PTPRG: variants seen among roughly 807,000 people sequenced by gnomAD.
PTPRG encodes the protein receptor-type tyrosine-protein phosphatase gamma.
Under a neutral mutation model 165.3 loss-of-function variants are expected in PTPRG, and 102 were observed. The ratio of observed to expected loss-of-function variants is 0.62; its 90% confidence interval spans 0.53 to 0.73. The LOEUF is 0.73. Among genes scored for constraint, PTPRG ranks in the 30% least tolerant of loss-of-function variants. PTPRG has a pLI of 0.00. For synonymous variants in PTPRG, 675 were observed against 669.5 expected, an observed-to-expected ratio of 1.01 and a Z score of -0.13; for missense variants, 1,866 against 1,861.4, an observed-to-expected ratio of 1.00 and a Z score of -0.05.
At chr3:61,582,561 A>G (rs1224264315) in intron 1 of PTPRG, among the ~76,000 whole-genome samples, 1 of 152,134 alleles carries the variant, frequency 6.6e-6, no homozygotes, top group East Asian at 1.9e-4. Context: ...GTTTGATAAG[A>G]GTGGAATTCA....
chr3:61,746,052 T>C (rs1247663950), intron 1 of PTPRG, among the ~76,000 whole-genome samples: 1 of 358 alleles, frequency 2.8e-3, no homozygotes, highest in African/African-American at 3.0e-3. Flanking sequence ...TTTCTTTTCT[T>C]TTTTTTTTTT....
At position 61,661,389 on chromosome 3, in the gene PTPRG, T is replaced by A. The variant is rs553470185; in HGVS notation, c.86-87489T>A. ...AAGGAATAGCAAACCTTGACTGTGG[T>A]GAATATCTTATTTCTCCTTTAGTGT... On this transcript the variant is annotated intron_variant, in intron 1 of 29. Coordinates refer to ENST00000474889, the MANE Select transcript of PTPRG (RefSeq NM_002841.4). 2.6e-5 allele frequency among the ~76,000 whole-genome samples: 4 copies of A among 152,230 alleles called. No individual in the cohort carries two copies. The South Asian group carries it at 8.3e-4, about 32-fold the overall frequency.
chr3:62,233,364 T>C lies in PTPRG; in HGVS notation c.2375+2053T>C, dbSNP rs1001650777. On this transcript the variant is annotated intron_variant, in intron 14 of 29. Coordinates refer to ENST00000474889, the MANE Select transcript of PTPRG (RefSeq NM_002841.4). This position sits in a 1 kb window ranked among gnomAD's most constrained non-coding sequence, Gnocchi z 4.7. The stretch of plus-strand genomic sequence containing the variant: ...CACTGTCCCCTCTCCTTCCCCATGC[T>C]CTCTCCCCAGGCACTTTTGCTGCCT... 1.3e-5 allele frequency among the ~76,000 whole-genome samples: 2 copies of C among 152,068 alleles called. No individual in the cohort carries two copies. The highest frequency in any genetic ancestry group is 6.6e-5 in the Admixed American group (1 of 15,252).
At chr3:61,885,693 T>TCTCCTCTCCTCTCCA (rs2038015093) in intron 2 of PTPRG, among the ~76,000 whole-genome samples, 1 of 106,456 alleles carries the variant, frequency 9.4e-6, no homozygotes, top group Non-Finnish European at 1.9e-5. Context: ...TCTCCTCTCC[T>TCTCCTCTCCTCTCCA]CTCCTCTCTC....
At chr3:61,833,620 T>A (rs749293111) in intron 2 of PTPRG, among the ~76,000 whole-genome samples, 18 of 152,102 alleles carry the variant, frequency 1.2e-4, no homozygotes, top group Admixed American at 5.2e-4. Flanking sequence ...TGGAGTGCAG[T>A]GGTGTGATCT....
At chr3:61,974,209 T>A (rs1336269231) in intron 2 of PTPRG, among the ~76,000 whole-genome samples, 3 of 151,694 alleles carry the variant, frequency 2.0e-5, no homozygotes, top group Non-Finnish European at 4.4e-5. Flanking sequence ...AGGCCTATGG[T>A]TTCAATTAGT....
intron 1 of PTPRG, among the ~76,000 whole-genome samples, chr3:61,665,782 C>G (rs189640626): frequency 2.3e-4 from 35 of 152,186 alleles, no homozygotes; most frequent in Non-Finnish European, 2.8e-4. Context: ...GAACTATGGT[C>G]ATGCTACTGT....
At chr3:62,112,219 C>T (rs1702694387) in intron 5 of PTPRG, among the ~76,000 whole-genome samples, 1 of 152,118 alleles carries the variant, frequency 6.6e-6, no homozygotes, top group Non-Finnish European at 1.5e-5. Flanking sequence ...ATTCTCCTGC[C>T]TCAGCCTCCT....
chr3:61,707,776 AT>A (rs1453597997), intron 1 of PTPRG, among the ~76,000 whole-genome samples: 2 of 152,110 alleles, frequency 1.3e-5, no homozygotes, highest in African/African-American at 4.8e-5. Flanking sequence ...GGATATTTTT[AT>A]TTTTTAATGC....
chr3:62,135,926 A>G (rs1011573784), intron 6 of PTPRG, among the ~76,000 whole-genome samples: 4 of 152,178 alleles, frequency 2.6e-5, no homozygotes, highest in African/African-American at 7.2e-5. Context: ...GTTCCCCACC[A>G]TGTGTTGTCA....
intron 1 of PTPRG, among the ~76,000 whole-genome samples, chr3:61,731,079 T>G (rs2032472866): frequency 6.6e-6 from 1 of 152,192 alleles, no homozygotes; most frequent in Admixed American, 6.5e-5. Context: ...GGCTTCCTGA[T>G]GGATTTATGA....
At chr3:62,188,505 TTTCTC>T (rs1480450245) in intron 8 of PTPRG, among the ~76,000 whole-genome samples, 3 of 152,258 alleles carry the variant, frequency 2.0e-5, no homozygotes, top group Non-Finnish European at 4.4e-5. Context: ...TCACAATCGT[TTTCTC>T]TGGGCACTGA....
rs760466105 is a variant in PTPRG at position 62,214,602 on chromosome 3, A to G, written c.2156-4249A>G. 6.6e-6 allele frequency among the ~76,000 whole-genome samples: 1 copy of G among 152,160 alleles called. No homozygotes were observed. The highest frequency in any genetic ancestry group is 1.5e-5 in the Non-Finnish European group (1 of 68,034). On this transcript the variant is annotated intron_variant, in intron 12 of 29. Transcript: ENST00000474889. The surrounding 1 kb of genome is among the most constrained non-coding windows in gnomAD (Gnocchi z 5.2). ...ATCAGCCCTGCCTTTGGGGACCTAG[A>G]GTAACAAAAGAGCGATTATAATTGA...
intron 7 of PTPRG, among the ~76,000 whole-genome samples, chr3:62,159,111 G>C (rs1042688757): frequency 3.9e-5 from 6 of 151,904 alleles, no homozygotes; most frequent in Admixed American, 3.9e-4. Flanking sequence ...GAACCCTTGA[G>C]CCCAGGAATT....
At chr3:62,181,061 A>C (rs1257266333) in intron 8 of PTPRG, among the ~76,000 whole-genome samples, 1 of 152,230 alleles carries the variant, frequency 6.6e-6, no homozygotes, top group African/African-American at 2.4e-5. Context: ...ACTGAATTGT[A>C]ATTCAGGGCT....
intron 8 of PTPRG, among the ~76,000 whole-genome samples, chr3:62,170,551 T>C (rs906212233): frequency 1.4e-4 from 21 of 152,192 alleles, no homozygotes; most frequent in African/African-American, 4.8e-4. Flanking sequence ...TCTATTGTGT[T>C]AAATTGTCAA....
intron 2 of PTPRG, among the ~76,000 whole-genome samples, chr3:61,909,739 C>A (rs2038754599): frequency 1.3e-5 from 2 of 151,910 alleles, no homozygotes; most frequent in African/African-American, 4.9e-5. Flanking sequence ...TCAAGGGTAG[C>A]AAAGTAATAA....
chr3:61,870,476 CTTTTTTTT>C (rs869118813), intron 2 of PTPRG, among the ~76,000 whole-genome samples: 1,573 of 17,790 alleles, frequency 0.088, 33 homozygotes, highest in Non-Finnish European at 0.1. Context: ...CCACACCTAG[CTTTTTTTT>C]TTTTTTTTTT....
intron 1 of PTPRG, among the ~76,000 whole-genome samples, chr3:61,729,821 T>C (rs1430325710): frequency 3.0e-4 from 45 of 152,214 alleles, no homozygotes; most frequent in Admixed American, 2.9e-3. Flanking sequence ...TGTACTCTGC[T>C]CATTAATGTA....
Sources: allele counts gnomAD v4.1 joint callset (sites outside exome capture counted in the v4.1 genomes callset), GRCh38; gene constraint gnomAD v4.1.1; non-coding constraint Gnocchi (gnomAD v3.1); transcripts MANE v1.5; gene names NCBI Gene and HGNC (gene_info 2026-07-23, HGNC 2026-07-21).